The following OVCH1 variants were observed in gnomAD, a reference collection of about 807,000 sequenced individuals.
OVCH1 encodes the protein ovochymase 1.
A neutral mutation model predicts 138.4 loss-of-function variants in OVCH1; 139 were observed. That is an observed-to-expected ratio of 1.00 (90% confidence interval 0.87 to 1.16). The LOEUF (loss-of-function observed/expected upper bound fraction) is 1.16. OVCH1 is among the 50% of genes most tolerant of loss of function. The pLI is 0.00. For missense variants in OVCH1, 1,367 were observed against 1,357.9 expected (o/e 1.01, Z -0.11); for synonymous variants, 453 against 467.8 (o/e 0.97, Z 0.41).
rs200385454 is a variant in OVCH1, at chr12:29,451,339, G to C, written c.2755+6C>G. ...AGCACGAAGTTTATATGCCAGGAAG[G>C]ATTACCTGCCGTCTTTCTCTTACTG... On this transcript the variant is annotated splice_donor_region_variant and intron_variant, in intron 22 of 27. Coordinates refer to ENST00000318184, the Ensembl canonical transcript of OVCH1. The C allele has an allele frequency of 1.2e-5, 20 of 1,607,828 alleles. No homozygotes were observed. In the Admixed American group the frequency reaches 3.4e-4, roughly 27 times the overall value.
intron 8 of OVCH1, among the ~76,000 whole-genome samples, chr12:29,480,202 G>T (rs566187092): frequency 3.3e-5 from 5 of 152,082 alleles, no homozygotes; most frequent in Admixed American, 6.6e-5. Context: ...ATATTATAAA[G>T]TTCACTTGCT....
At chr12:29,494,838 TG>T (rs1016550402) in intron 4 of OVCH1, among the ~76,000 whole-genome samples, 1 of 152,062 alleles carries the variant, frequency 6.6e-6, no homozygotes, top group Non-Finnish European at 1.5e-5. Flanking sequence ...GAGGATGAAG[TG>T]GGGTTGATTA....
At chr12:29,457,350 T>G (rs1941982650) in intron 19 of OVCH1, among the ~76,000 whole-genome samples, 1 of 151,760 alleles carries the variant, frequency 6.6e-6, no homozygotes, top group South Asian at 2.1e-4. Flanking sequence ...GCCTATCATA[T>G]GGTCCAGTCC....
chr12:29,443,247 A>G (rs1453335420), intron 25 of OVCH1, 114 bp downstream of exon 25: 6 of 1,017,450 alleles, frequency 5.9e-6, no homozygotes, highest in Non-Finnish European at 2.8e-6. Context: ...TCAACATCCT[A>G]TAAGAAGAGA....
At chr12:29,462,591 T>G (rs987290930) in intron 18 of OVCH1, among the ~76,000 whole-genome samples, 3 of 152,066 alleles carry the variant, frequency 2.0e-5, no homozygotes, top group African/African-American at 4.8e-5. Flanking sequence ...CATCCTATCA[T>G]TTTAGATTTA....
At chr12:29,418,301 G>C (rs1448688057) in intron 3 of OVCH1, among the ~76,000 whole-genome samples, 1 of 152,188 alleles carries the variant, frequency 6.6e-6, no homozygotes. Context: ...ACTAGGTCAT[G>C]AAAGTATAGA....
chr12:29,493,421 C>G (rs1943325613), intron 4 of OVCH1, among the ~76,000 whole-genome samples: 1 of 152,074 alleles, frequency 6.6e-6, no homozygotes, highest in Non-Finnish European at 1.5e-5. Context: ...CTTTTTAAAT[C>G]TAAAGATTTG....
chr12:29,436,914 G>A (rs372531285), intron 26 of OVCH1, among the ~76,000 whole-genome samples: 2 of 152,152 alleles, frequency 1.3e-5, no homozygotes, highest in African/African-American at 4.8e-5. Flanking sequence ...GCATGGAAAG[G>A]GACCCAAGCG....
chr12:29,407,769 A>G (rs527258465), downstream of OVCH1, among the ~76,000 whole-genome samples: 8 of 151,814 alleles, frequency 5.3e-5, no homozygotes, highest in African/African-American at 1.9e-4. Flanking sequence ...CTTTTGGTTT[A>G]GGATTGACTT....
intron 19 of OVCH1, among the ~76,000 whole-genome samples, chr12:29,457,336 C>T (rs1941982182): frequency 6.7e-6 from 1 of 150,174 alleles, no homozygotes; most frequent in Non-Finnish European, 1.5e-5. Context: ...CTCTTTTTGC[C>T]AGTGCCTATC....
chr12:29,423,084 A>C (rs992792434), downstream of OVCH1: 5 of 375,500 alleles, frequency 1.3e-5, no homozygotes, highest in African/African-American at 1.1e-4. Context: ...TTCAAAGCTT[A>C]TGCAGTATCT....
At chr12:29,425,595 A>C (rs1344621738), downstream of OVCH1, among the ~76,000 whole-genome samples, 4 of 152,176 alleles carry the variant, frequency 2.6e-5, no homozygotes, top group Non-Finnish European at 4.4e-5. Context: ...TTTTCTACTT[A>C]TTAGCGATGT....
downstream of OVCH1, among the ~76,000 whole-genome samples, chr12:29,412,130 C>G (rs1423042371): frequency 1.3e-5 from 2 of 152,150 alleles, no homozygotes; most frequent in Non-Finnish European, 2.9e-5. Context: ...ATATAATCTC[C>G]TGGTGCGCCG....
intron 17 of OVCH1, 97 bp downstream of exon 17, chr12:29,465,050 G>A: frequency 1.9e-6 from 2 of 1,032,902 alleles, no homozygotes; most frequent in Non-Finnish European, 1.4e-6. Flanking sequence ...GGCCCTAGGA[G>A]ATTAATAACT....
At chr12:29,482,009 C>T (rs10771541) in intron 8 of OVCH1, among the ~76,000 whole-genome samples, 54,769 of 152,018 alleles carry the variant, frequency 0.36, 10,347 homozygotes, top group East Asian at 0.47. Context: ...TAGTTGGTCT[C>T]CCAGCTTGTG....
chr12:29,409,004 C>T (rs34746920), downstream of OVCH1, among the ~76,000 whole-genome samples: 46,901 of 151,804 alleles, frequency 0.31, 8,550 homozygotes, highest in Middle Eastern at 0.52. Flanking sequence ...TTGGTCTATT[C>T]AGAGATTCAA....
intron 12 of OVCH1, among the ~76,000 whole-genome samples, chr12:29,476,749 A>ACGCGCG (rs145053170): frequency 0.036 from 614 of 17,190 alleles, 6 homozygotes; most frequent in African/African-American, 0.059. Flanking sequence ...ATAAGTACAC[A>ACGCGCG]CGCGCGCACA....
At chr12:29,428,604 A>T (rs1453651790) in intron 27 of OVCH1, among the ~76,000 whole-genome samples, 1 of 152,142 alleles carries the variant, frequency 6.6e-6, no homozygotes, top group Non-Finnish European at 1.5e-5. Context: ...CCATACCCCA[A>T]TTGCTTTATA....
chr12:29,409,272 T>C (rs567316063), downstream of OVCH1, among the ~76,000 whole-genome samples: 3 of 152,326 alleles, frequency 2.0e-5, no homozygotes, highest in Non-Finnish European at 4.4e-5. Flanking sequence ...CTGGATTCAT[T>C]AATGTTTTGA....
Sources: allele counts gnomAD v4.1 joint callset (sites outside exome capture counted in the v4.1 genomes callset), GRCh38; gene constraint gnomAD v4.1.1; transcripts MANE v1.5; gene names NCBI Gene and HGNC (gene_info 2026-07-23, HGNC 2026-07-21).